The following WFDC2 variants were observed in gnomAD, a reference collection of about 807,000 sequenced individuals.
The protein encoded by WFDC2 is WAP four-disulfide core domain protein 2.
Under a neutral mutation model 12.5 loss-of-function variants are expected in WFDC2, and 8 were observed. That is an observed-to-expected ratio of 0.64 (90% confidence interval 0.37 to 1.15). The LOEUF (loss-of-function observed/expected upper bound fraction) is 1.15. Among genes scored for constraint, WFDC2 ranks in the 50% most tolerant of loss-of-function variants. The pLI is 0.01. For synonymous variants in WFDC2, 74 were observed against 67.2 expected, an observed-to-expected ratio of 1.10 and a Z score of -0.49; for missense variants, 166 against 159.9, an observed-to-expected ratio of 1.04 and a Z score of -0.21.
chr20:45,469,827 A>G lies in WFDC2; in HGVS notation c.46A>G (p.Ser16Gly), dbSNP rs1006774733. 1.2e-6 allele frequency: 2 copies of G among 1,611,072 alleles called. No homozygotes were observed. The highest frequency in any genetic ancestry group is 1.1e-5 in the South Asian group (1 of 90,334). Residue 16 changes from serine to glycine, a missense_variant, in exon 1 of 4, where the codon AGC becomes GGC. By Grantham distance (56) the Ser-to-Gly change is moderately conservative. Coordinates refer to ENST00000372676, the MANE Select transcript of WFDC2 (RefSeq NM_006103.4). Reference protein sequence around the residue: ...LGPLAAALLLSLLLFGFTLVS... With the variant: ...LGPLAAALLLGLLLFGFTLVS... ...CCCGCTAGCCGCCGCCCTCCTCCTC[A>G]GCCTGCTGCTGTTCGGCTTCACCCT...
chr20:45,478,942 A>C (rs1167237597), intron 2 of WFDC2, among the ~76,000 whole-genome samples: 1 of 152,064 alleles, frequency 6.6e-6, no homozygotes, highest in Non-Finnish European at 1.5e-5. Context: ...ACAGCTAATC[A>C]CCCAGTTCTG....
intron 2 of WFDC2, among the ~76,000 whole-genome samples, chr20:45,478,075 A>C (rs1158301902): frequency 6.6e-6 from 1 of 152,188 alleles, no homozygotes; most frequent in Non-Finnish European, 1.5e-5. Flanking sequence ...ATTTCAAGCC[A>C]GTGGATGTTA....
At chr20:45,475,227 ATTTG>A (rs1472006177) in intron 2 of WFDC2, among the ~76,000 whole-genome samples, 5 of 151,448 alleles carry the variant, frequency 3.3e-5, no homozygotes, top group African/African-American at 1.2e-4. Context: ...TAGCTTTTGA[ATTTG>A]TTTGTTCTTG....
In WFDC2 at chr20:45,470,253, T is replaced by G; in HGVS notation, c.80-136T>G. ...GGGACTCCTGGTCTGGAAGAAGGAGTCTCTGGGGGCTGTAAGGGGACTCCT... is the reference window on the plus strand; with the variant it reads ...GGGACTCCTGGTCTGGAAGAAGGAGGCTCTGGGGGCTGTAAGGGGACTCCT... On this transcript the variant is annotated intron_variant, in intron 1 of 3. Coordinates refer to ENST00000372676, the MANE Select transcript of WFDC2 (RefSeq NM_006103.4). The surrounding 1 kb of genome is among the most constrained non-coding windows in gnomAD (Gnocchi z 5.4). 9 of 1,261,520 alleles carry G rather than the reference T, an allele frequency of 7.1e-6. No individual in the cohort carries two copies. The highest frequency in any genetic ancestry group is 9.5e-6 in the Non-Finnish European group (9 of 942,674). The allele number at this position is 1,261,520 out of a possible 1,614,324, so 78.1% of individuals were successfully genotyped here.
In WFDC2 at chr20:45,480,042, ATGC is replaced by A. The variant is rs1436656872; in HGVS notation, c.328_330del (p.Cys110del). ...ACAGCCAGTGTCCTGGCCAGATGAA[ATGC>A]TGCCGCAATGGCTGTGGGAAGGTGT... On this transcript the variant is annotated inframe_deletion, in exon 3 of 4. Coordinates refer to ENST00000372676, the MANE Select transcript of WFDC2 (RefSeq NM_006103.4). The A allele has an allele frequency of 3.7e-6, 6 of 1,614,022 alleles. No homozygotes were observed. Among genetic ancestry groups the A allele is most frequent in the Non-Finnish European group, 5.1e-6 (6 of 1,180,030 alleles).
rs948558496 is a variant in WFDC2 at position 45,470,894 on chromosome 20, G to A, written c.223+362G>A. 1.6e-4 allele frequency among the ~76,000 whole-genome samples: 25 copies of A among 152,184 alleles called. No homozygotes were observed. Among genetic ancestry groups the A allele is most frequent in the African/African-American group, 6.0e-4 (25 of 41,454 alleles). ...CCTGCGGGAAAGCCCGGAGCCTGGG[G>A]CGCTCACCTCTCCTCTTGGAGTCCC... On this transcript the variant is annotated intron_variant, in intron 2 of 3. Transcript: ENST00000372676. The surrounding 1 kb of genome is among the most constrained non-coding windows in gnomAD (Gnocchi z 5.4).
chr20:45,473,829 T>C (rs548575562), intron 2 of WFDC2, among the ~76,000 whole-genome samples: 34 of 152,350 alleles, frequency 2.2e-4, no homozygotes, highest in African/African-American at 8.2e-4. Flanking sequence ...GGATTGTTTT[T>C]CCATTTGTTT....
At chr20:45,475,903 T>C (rs1568970767) in intron 2 of WFDC2, among the ~76,000 whole-genome samples, 1 of 152,224 alleles carries the variant, frequency 6.6e-6, no homozygotes. Context: ...CTCTTCTTGT[T>C]GCATTGATCC....
chr20:45,478,665 G>A (rs533268626), intron 2 of WFDC2, among the ~76,000 whole-genome samples: 22 of 151,370 alleles, frequency 1.5e-4, no homozygotes, highest in Admixed American at 9.2e-4. Context: ...TCGCTCTGTC[G>A]CCCAGGCTGG....
intron 2 of WFDC2, among the ~76,000 whole-genome samples, chr20:45,477,356 T>A (rs1991245683): frequency 6.6e-6 from 1 of 152,216 alleles, no homozygotes; most frequent in Non-Finnish European, 1.5e-5. Flanking sequence ...TGGATGGGCC[T>A]TCTGAGTGGA....
intron 2 of WFDC2, among the ~76,000 whole-genome samples, chr20:45,479,166 A>AT (rs1454376911): frequency 6.6e-6 from 1 of 152,126 alleles, no homozygotes; most frequent in Non-Finnish European, 1.5e-5. Context: ...GAATGAGTGT[A>AT]TTTGGAGGGT....
chr20:45,477,318 A>G (rs928407317), intron 2 of WFDC2, among the ~76,000 whole-genome samples: 3 of 151,982 alleles, frequency 2.0e-5, no homozygotes, highest in Non-Finnish European at 4.4e-5. Flanking sequence ...GGATTTATCT[A>G]CCTTTGGTCT....
intron 2 of WFDC2, chr20:45,471,413 C>T: frequency 3.4e-6 from 1 of 295,866 alleles, no homozygotes; most frequent in South Asian, 2.8e-5. Context: ...CTGGAGAGAA[C>T]CAAGGTACTG....
intron 3 of WFDC2, among the ~76,000 whole-genome samples, chr20:45,480,301 G>A (rs138692641): frequency 1.7e-4 from 26 of 152,130 alleles, no homozygotes; most frequent in African/African-American, 6.3e-4. Context: ...CTCAGGCAGA[G>A]GGAACAGAAT....
chr20:45,478,657 G>A (rs1044047879), intron 2 of WFDC2, among the ~76,000 whole-genome samples: 6 of 151,156 alleles, frequency 4.0e-5, no homozygotes, highest in African/African-American at 1.2e-4. Flanking sequence ...ATGGAGTCTC[G>A]CTCTGTCGCC....
chr20:45,477,473 A>G (rs916016471), intron 2 of WFDC2, among the ~76,000 whole-genome samples: 1 of 152,138 alleles, frequency 6.6e-6, no homozygotes, highest in Admixed American at 6.5e-5. Flanking sequence ...TCCACTCCAG[A>G]CCCTGTTTGC....
intron 2 of WFDC2, among the ~76,000 whole-genome samples, chr20:45,475,542 A>G (rs1268178928): frequency 7.9e-5 from 12 of 152,178 alleles, no homozygotes; most frequent in Admixed American, 7.2e-4. Context: ...GTGGTCTGAG[A>G]GACTGTTAGG....
intron 3 of WFDC2, 73 bp downstream of exon 3, chr20:45,480,167 C>G: frequency 6.3e-7 from 1 of 1,588,914 alleles, no homozygotes; most frequent in Non-Finnish European, 8.6e-7. Flanking sequence ...GTCACCCAGG[C>G]GGAGGTGAAG....
chr20:45,469,883 C>T (rs957265455), intron 1 of WFDC2, 23 bp downstream of exon 1: 17 of 1,585,824 alleles, frequency 1.1e-5, no homozygotes, highest in Non-Finnish European at 1.4e-5. Flanking sequence ...GGGAGAGGCC[C>T]GGCGCCTAGA....
Sources: gnomAD v4.1 joint callset for allele counts (sites outside exome capture counted in the v4.1 genomes callset) on GRCh38, gnomAD v4.1.1 for gene constraint, Gnocchi (gnomAD v3.1) non-coding constraint, MANE v1.5 for transcripts, NCBI Gene and HGNC (gene_info 2026-07-23, HGNC 2026-07-21) for gene names.